Variants in ATP2C1 observed in about 807,000 individuals in gnomAD.
ATP2C1 encodes the protein ATPase secretory pathway Ca2+ transporting 1.
A neutral mutation model predicts 120.5 loss-of-function variants in ATP2C1; 31 were observed. That is an observed-to-expected ratio of 0.26 (90% CI 0.19 to 0.35). The LOEUF (loss-of-function observed/expected upper bound fraction) is 0.35. Ranked by LOEUF, ATP2C1 falls within the 10% of genes least tolerant of loss-of-function variation. The probability of loss-of-function intolerance (pLI) is 1.00; values close to 1 mark genes in which losing one functional copy is unlikely to be tolerated. For missense variants in ATP2C1, 731 were observed against 1,107.5 expected (o/e 0.66, Z 4.83); for synonymous variants, 351 against 358.7 (o/e 0.98, Z 0.24).
intron 1 of ATP2C1, among the ~76,000 whole-genome samples, chr3:130,860,838 C>T (rs1337480144): frequency 6.6e-6 from 1 of 152,118 alleles, no homozygotes; most frequent in Non-Finnish European, 1.5e-5. Flanking sequence ...AAAATAAAAC[C>T]ATCATAACTA....
chr3:130,909,545 G>C lies in ATP2C1; in HGVS notation c.6+14770G>C, dbSNP rs534757401. 2.1e-4 allele frequency among the ~76,000 whole-genome samples: 32 copies of C among 152,020 alleles called. 2 individuals carry two copies. Among genetic ancestry groups the C allele is most frequent in the Admixed American group, 1.9e-3 (29 of 15,262 alleles). On this transcript the variant is annotated intron_variant, in intron 2 of 27. Transcript: ENST00000510168. Reference sequence around the variant, plus strand: ...CCTCATTTCCAGAAATGTCACCATAGTATGCCATGCTTGGTAGCAGGCTCT... The same window carrying C: ...CCTCATTTCCAGAAATGTCACCATACTATGCCATGCTTGGTAGCAGGCTCT...
At chr3:130,863,084 G>T (rs995511466) in intron 1 of ATP2C1, among the ~76,000 whole-genome samples, 4 of 151,974 alleles carry the variant, frequency 2.6e-5, no homozygotes, top group Non-Finnish European at 4.4e-5. Flanking sequence ...CTGGAGGAAA[G>T]GTGTAACCAA....
rs777719092 is a variant in ATP2C1 at position 131,001,693 on chromosome 3, T to A, written c.*343T>A. On this transcript the variant is annotated 3_prime_UTR_variant, in exon 28 of 28. Coordinates refer to ENST00000510168, the MANE Select transcript of ATP2C1 (RefSeq NM_001378687.1). ...CACTATCTATCTTAGATAGATATAT[T>A]TTTTTTTATTTTTAAATATTGTACT... 91 of 968,908 alleles carry A rather than the reference T, an allele frequency of 9.4e-5. No homozygotes were observed. Among genetic ancestry groups the A allele is most frequent in the Non-Finnish European group, 9.6e-5 (78 of 815,408 alleles). The allele number at this position is 968,908 out of a possible 1,614,324, so 60.0% of individuals were successfully genotyped here. A position where few individuals can be genotyped will look rare whatever the true frequency, so the allele number is the denominator to read the frequency against.
chr3:130,946,419 A>G (rs1448179098), intron 8 of ATP2C1, among the ~76,000 whole-genome samples: 1 of 152,248 alleles, frequency 6.6e-6, no homozygotes, highest in African/African-American at 2.4e-5. Flanking sequence ...AAGGAGAAGT[A>G]AAAACCAAAG....
chr3:130,892,082 T>C (rs951306063), upstream of ATP2C1, among the ~76,000 whole-genome samples: 1 of 152,210 alleles, frequency 6.6e-6, no homozygotes, highest in South Asian at 2.1e-4. Flanking sequence ...GAATAAACCA[T>C]GGAGCTATAA....
At chr3:130,932,933 G>A (rs2059511256) in intron 4 of ATP2C1, among the ~76,000 whole-genome samples, 1 of 152,132 alleles carries the variant, frequency 6.6e-6, no homozygotes, top group African/African-American at 2.4e-5. Context: ...AGCAACACTG[G>A]AATTTTAAAG....
chr3:130,954,958 T>A (rs1482471979), intron 9 of ATP2C1, 54 bp from the exon 10 acceptor site: 1 of 1,285,268 alleles, frequency 7.8e-7, no homozygotes, highest in African/African-American at 1.5e-5. Context: ...TGTGTATGTG[T>A]TTTGGTTTAC....
chr3:130,963,575 A>G, intron 12 of ATP2C1: 1 of 217,428 alleles, frequency 4.6e-6, no homozygotes, highest in Non-Finnish European at 9.3e-6. Flanking sequence ...GCCTGTTTCC[A>G]TCTTTTGGCT....
exon 27 of ATP2C1, chr3:131,016,435 ATTAAT>A (rs1350434753): frequency 1.5e-6 from 2 of 1,368,780 alleles, no homozygotes; most frequent in East Asian, 2.4e-5. Context: ...AAAGAAAGAA[ATTAAT>A]TTAAAAAAAC....
chr3:130,936,214 A>T (rs6808973), intron 5 of ATP2C1, among the ~76,000 whole-genome samples: 1,962 of 144,052 alleles, frequency 0.014, 24 homozygotes, highest in African/African-American at 0.037. Context: ...TGTTTTTTTT[A>T]AAAAAAAAAT....
downstream of ATP2C1, among the ~76,000 whole-genome samples, chr3:131,007,853 G>A (rs1294476294): frequency 6.6e-6 from 1 of 152,158 alleles, no homozygotes; most frequent in Admixed American, 6.5e-5. Flanking sequence ...ACAAATAGGT[G>A]ACTGTAGAAA....
At chr3:130,927,271 C>G (rs1207369069) in intron 2 of ATP2C1, among the ~76,000 whole-genome samples, 1 of 148,068 alleles carries the variant, frequency 6.8e-6, no homozygotes, top group Non-Finnish European at 1.5e-5. Flanking sequence ...GACAGAGTCT[C>G]GCTCTGTCGC....
intron 1 of ATP2C1, among the ~76,000 whole-genome samples, chr3:130,888,152 G>T (rs2069042237): frequency 6.6e-6 from 1 of 152,142 alleles, no homozygotes; most frequent in East Asian, 1.9e-4. Flanking sequence ...TAGCATGGGG[G>T]CCTCATGACT....
chr3:130,989,605 T>TA (rs1374834450), intron 20 of ATP2C1, among the ~76,000 whole-genome samples: 1 of 151,834 alleles, frequency 6.6e-6, no homozygotes, highest in Non-Finnish European at 1.5e-5. Context: ...AAGAACATTG[T>TA]AGTTGGGACT....
chr3:130,871,143 C>A (rs1050607522), intron 1 of ATP2C1, among the ~76,000 whole-genome samples: 1 of 152,156 alleles, frequency 6.6e-6, no homozygotes, highest in African/African-American at 2.4e-5. Flanking sequence ...TAATAGACTA[C>A]AATACAGTGT....
rs1180016044 is a variant in ATP2C1 at position 130,962,727 on chromosome 3, AAAAAAG to A, written c.900-1239_900-1234del. The stretch of plus-strand genomic sequence containing the variant: ...TTAATGGAAGCATTAAAAAAAAAAA[AAAAAAG>A]AAAAGAAAAAAGAAAAAAAAGGATT... On this transcript the variant is annotated intron_variant, in intron 12 of 27. Coordinates refer to ENST00000510168, the MANE Select transcript of ATP2C1 (RefSeq NM_001378687.1). 4.1e-3 allele frequency among the ~76,000 whole-genome samples: 611 copies of A among 150,516 alleles called. 1 individual carries two copies. Among genetic ancestry groups the A allele is most frequent in the Middle Eastern group, 0.014 (4 of 290 alleles).
downstream of ATP2C1, among the ~76,000 whole-genome samples, chr3:131,006,572 C>T (rs1361735846): frequency 6.6e-6 from 1 of 151,856 alleles, no homozygotes; most frequent in Non-Finnish European, 1.5e-5. Context: ...AGAGCTTTTA[C>T]CTCTACTTCA....
chr3:130,952,366 GT>G (rs2060406004), intron 8 of ATP2C1, among the ~76,000 whole-genome samples: 1 of 152,126 alleles, frequency 6.6e-6, no homozygotes, highest in Admixed American at 6.6e-5. Context: ...AATTAAAACA[GT>G]TTTGTTGAGG....
At chr3:131,006,277 A>G (rs1478875770), downstream of ATP2C1, among the ~76,000 whole-genome samples, 1 of 151,840 alleles carries the variant, frequency 6.6e-6, no homozygotes, top group Admixed American at 6.6e-5. Context: ...ATGCCCAGCT[A>G]ATTTTTGCAT....
Sources: gnomAD v4.1 joint callset for allele counts (sites outside exome capture counted in the v4.1 genomes callset) on GRCh38, gnomAD v4.1.1 for gene constraint, MANE v1.5 for transcripts, NCBI Gene and HGNC (gene_info 2026-07-23, HGNC 2026-07-21) for gene names.